CACUL1: variants seen among roughly 807,000 people sequenced by gnomAD.
The protein encoded by CACUL1 is CDK2 associated cullin domain 1, also known as CDK2-associated and cullin domain-containing protein 1.
CACUL1 carries 13 observed loss-of-function variants against 45.2 expected under a neutral mutation model. That is an observed-to-expected ratio of 0.29 (90% CI 0.19 to 0.46). The LOEUF is 0.46. Among genes scored for constraint, CACUL1 ranks in the 20% least tolerant of loss-of-function variants. The pLI is 1.00. For synonymous variants in CACUL1, 197 were observed against 174.2 expected (o/e 1.13, Z -1.03); for missense variants, 421 against 471.4 (o/e 0.89, Z 0.99).
At position 118,682,210 on chromosome 10, in the gene CACUL1, A is replaced by G. The variant is rs1047460553; in HGVS notation, c.*3918T>C. The G allele has an allele frequency of 1.3e-5, 2 of 152,190 alleles. No homozygotes were observed. The highest frequency in any genetic ancestry group is 2.9e-5 in the Non-Finnish European group (2 of 68,024). The allele number at this position is 152,190 out of a possible 1,614,324, so 9.4% of individuals were successfully genotyped here. The stretch of plus-strand genomic sequence containing the variant: ...AAAATCAACTCAAAACATCCAAACA[A>G]TGGCTAGATGACTAATGTAGGTTGT... On this transcript the variant is annotated 3_prime_UTR_variant, in exon 9 of 9. Coordinates refer to ENST00000369151, the MANE Select transcript of CACUL1 (RefSeq NM_153810.5).
In CACUL1 at chr10:118,676,492, T is replaced by C. The variant is rs1249539529; in HGVS notation, c.*9636A>G. On this transcript the variant is annotated 3_prime_UTR_variant, in exon 9 of 9. Transcript: ENST00000369151. ...AATTGGTGGATGGAACTCAAAAATA[T>C]TTTCAGTAAGCACAGCCATATTTGG... 1.3e-5 allele frequency: 2 copies of C among 152,202 alleles called. No homozygotes were observed. Among genetic ancestry groups the C allele is most frequent in the Non-Finnish European group, 2.9e-5 (2 of 68,034 alleles). The allele number at this position is 152,202 out of a possible 1,614,324, so 9.4% of individuals were successfully genotyped here.
At chr10:118,747,971 G>C (rs898852382) in intron 1 of CACUL1, among the ~76,000 whole-genome samples, 3 of 152,172 alleles carry the variant, frequency 2.0e-5, no homozygotes, top group African/African-American at 7.2e-5. Context: ...TGTAATCCCA[G>C]CTGCTCGGGA....
chr10:118,692,085 TAAAAC>T (rs1053252311), intron 6 of CACUL1, among the ~76,000 whole-genome samples: 1 of 151,948 alleles, frequency 6.6e-6, no homozygotes, highest in African/African-American at 2.4e-5. Flanking sequence ...AGCCATTAAT[TAAAAC>T]AATATATAGC....
At chr10:118,711,321 C>T (rs1157923128) in intron 3 of CACUL1, among the ~76,000 whole-genome samples, 1 of 152,234 alleles carries the variant, frequency 6.6e-6, no homozygotes, top group Non-Finnish European at 1.5e-5. Flanking sequence ...CTCAAGTGAT[C>T]CACCCACTTC....
chr10:118,681,333 A>G lies in CACUL1; in HGVS notation c.*4795T>C, dbSNP rs1564825663. Reference sequence around the variant, plus strand: ...TTCATAAGCATTCCTGTTACTAGCCATAGCTTCCCATGACTTCACATTTGA... The same window carrying G: ...TTCATAAGCATTCCTGTTACTAGCCGTAGCTTCCCATGACTTCACATTTGA... On this transcript the variant is annotated 3_prime_UTR_variant, in exon 9 of 9. Coordinates refer to ENST00000369151, the MANE Select transcript of CACUL1 (RefSeq NM_153810.5). 1 of 152,190 alleles carries G rather than the reference A, an allele frequency of 6.6e-6. No individual in the cohort carries two copies. Among genetic ancestry groups the G allele is most frequent in the Non-Finnish European group, 1.5e-5 (1 of 68,036 alleles). 9.4% of individuals were successfully genotyped at this position (152,190 alleles called of 1,614,324 possible). A position where few individuals can be genotyped will look rare whatever the true frequency, so the allele number is the denominator to read the frequency against.
intron 1 of CACUL1, among the ~76,000 whole-genome samples, chr10:118,747,804 G>A (rs1262739936): frequency 6.6e-6 from 1 of 152,180 alleles, no homozygotes; most frequent in African/African-American, 2.4e-5. Flanking sequence ...CACAGGGAAG[G>A]CAGAGCATGG....
intron 6 of CACUL1, chr10:118,692,738 G>T (rs1029303949): frequency 6.6e-6 from 1 of 152,178 alleles, no homozygotes. Flanking sequence ...ACGATAATCT[G>T]AGTAAATGAT....
At chr10:118,708,246 G>A (rs762024119) in intron 3 of CACUL1, among the ~76,000 whole-genome samples, 7 of 149,962 alleles carry the variant, frequency 4.7e-5, no homozygotes, top group Non-Finnish European at 1.0e-4. Flanking sequence ...AACTATATTT[G>A]AACCTGGAAT....
At chr10:118,713,871 C>A (rs1338015910) in intron 3 of CACUL1, among the ~76,000 whole-genome samples, 1 of 152,100 alleles carries the variant, frequency 6.6e-6, no homozygotes, top group Non-Finnish European at 1.5e-5. Flanking sequence ...TCTCTGGAAA[C>A]CTTTACATTT....
At chr10:118,706,927 TAAA>T (rs1257564922) in intron 4 of CACUL1, among the ~76,000 whole-genome samples, 1 of 152,188 alleles carries the variant, frequency 6.6e-6, no homozygotes, top group Admixed American at 6.5e-5. Flanking sequence ...ACTAGTCTAA[TAAA>T]GAAGAACGGG....
intron 5 of CACUL1, among the ~76,000 whole-genome samples, chr10:118,695,881 G>C (rs748893853): frequency 6.6e-6 from 1 of 151,820 alleles, no homozygotes; most frequent in African/African-American, 2.4e-5. Context: ...AAATACAAGT[G>C]AATTCCATTG....
At chr10:118,718,827 C>T (rs2119616391) in intron 3 of CACUL1, among the ~76,000 whole-genome samples, 1 of 152,128 alleles carries the variant, frequency 6.6e-6, no homozygotes, top group African/African-American at 2.4e-5. Flanking sequence ...CCTGCCTCGG[C>T]CTCCCAAAGT....
In CACUL1 at chr10:118,695,173, T is replaced by C; in HGVS notation, c.854A>G (p.Asn285Ser). 6.2e-7 allele frequency: 1 copy of C among 1,608,232 alleles called. No homozygotes were observed. Among genetic ancestry groups the C allele is most frequent in the South Asian group, 1.1e-5 (1 of 90,982 alleles). ...PFQVTPSTMA[N>S]IVKGLYTLRP... ...GAGGGTATACAGGCCTTTCACAATATTTGCCATAGTTGAAGGTGTGACCTG... is the reference window on the plus strand; with the variant it reads ...GAGGGTATACAGGCCTTTCACAATACTTGCCATAGTTGAAGGTGTGACCTG... The change falls in exon 6 of 9, where the codon AAT becomes AGT. Residue 285 changes from asparagine (N) to serine (S), a missense_variant. Asn to Ser is a conservative substitution (Grantham distance 46, BLOSUM62 1). Coordinates refer to ENST00000369151, the MANE Select transcript of CACUL1 (RefSeq NM_153810.5).
intron 1 of CACUL1, among the ~76,000 whole-genome samples, chr10:118,740,078 C>A (rs1392391828): frequency 6.6e-6 from 1 of 152,052 alleles, no homozygotes; most frequent in Non-Finnish European, 1.5e-5. Context: ...ACTTGGGAGG[C>A]GGAGGTTGTA....
In CACUL1 at chr10:118,683,169, G is replaced by A. The variant is rs1319627270; in HGVS notation, c.*2959C>T. ...AACAATTATCGATTTACTTTTACAT[G>A]TCATTTTTTCAAGATGACTGACCCG... On this transcript the variant is annotated 3_prime_UTR_variant, in exon 9 of 9. Transcript: ENST00000369151. The A allele has an allele frequency of 6.6e-6, 1 of 152,106 alleles. No individual in the cohort carries two copies. The highest frequency in any genetic ancestry group is 1.5e-5 in the Non-Finnish European group (1 of 68,024). 9.4% of individuals were successfully genotyped at this position (152,106 alleles called of 1,614,324 possible). A position where few individuals can be genotyped will look rare whatever the true frequency, so the allele number is the denominator to read the frequency against.
chr10:118,689,764 G>C (rs1025697264), intron 7 of CACUL1, among the ~76,000 whole-genome samples: 1 of 152,148 alleles, frequency 6.6e-6, no homozygotes, highest in South Asian at 2.1e-4. Context: ...AAATGGGCAC[G>C]TTTAAGCAAT....
chr10:118,676,746 T>C lies in CACUL1; in HGVS notation c.*9382A>G, dbSNP rs533477058. The C allele has an allele frequency of 6.6e-6, 1 of 152,264 alleles. No homozygotes were observed. The highest frequency in any genetic ancestry group is 1.5e-5 in the Non-Finnish European group (1 of 68,012). 9.4% of individuals were successfully genotyped at this position (152,264 alleles called of 1,614,324 possible). A position where few individuals can be genotyped will look rare whatever the true frequency, so the allele number is the denominator to read the frequency against. ...ATACCACAAACAATATTTTAAAACA[T>C]TTTTACTTCATCTTTTTGATTTTCT... is the stretch of plus-strand genomic sequence containing the variant. On this transcript the variant is annotated 3_prime_UTR_variant, in exon 9 of 9. Coordinates refer to ENST00000369151, the MANE Select transcript of CACUL1 (RefSeq NM_153810.5).
Position 118,736,567 on chromosome 10 carries a change from T to A in CACUL1, c.368-6157A>T, listed in dbSNP as rs567910967. Among the ~76,000 whole-genome samples the A allele has an allele frequency of 4.1e-5, 6 of 147,044 alleles. No homozygotes were observed. In the East Asian group the frequency reaches 1.2e-3, roughly 28 times the overall value. ...ATGTTCCCCAGGCTGGTCTTAAAAC[T>A]CCTGGGCTCAAGTGATCTGCCTGTC... On this transcript the variant is annotated intron_variant, in intron 1 of 8. Coordinates refer to ENST00000369151, the MANE Select transcript of CACUL1 (RefSeq NM_153810.5).
intron 3 of CACUL1, among the ~76,000 whole-genome samples, chr10:118,709,279 C>G (rs1845462907): frequency 6.6e-6 from 1 of 152,216 alleles, no homozygotes; most frequent in African/African-American, 2.4e-5. Flanking sequence ...TGGACCTACA[C>G]AGGTCAAACC....
Sources: gnomAD v4.1 joint callset for allele counts (sites outside exome capture counted in the v4.1 genomes callset) on GRCh38, gnomAD v4.1.1 for gene constraint, MANE v1.5 for transcripts, NCBI Gene and HGNC (gene_info 2026-07-23, HGNC 2026-07-21) for gene names.